LRRC4C: variants seen among roughly 807,000 people sequenced by gnomAD.
LRRC4C encodes the protein leucine-rich repeat-containing protein 4C.
LRRC4C carries 5 observed loss-of-function variants against 33.6 expected under a neutral mutation model. That is an observed-to-expected ratio of 0.15 (90% confidence interval 0.08 to 0.31). The LOEUF is 0.31. LRRC4C is among the 10% of genes least tolerant of loss of function. LRRC4C has a pLI of 1.00. For missense variants in LRRC4C, 560 were observed against 796.7 expected (o/e 0.70, Z 3.58); for synonymous variants, 329 against 302.0 (o/e 1.09, Z -0.93).
chr11:40,199,055 G>A (rs1369010548), intron 5 of LRRC4C, among the ~76,000 whole-genome samples: 3 of 151,954 alleles, frequency 2.0e-5, no homozygotes, highest in Non-Finnish European at 4.4e-5. Context: ...AGGGCAAAGG[G>A]TTATTTTTAT....
chr11:40,385,170 A>G (rs1949054558), intron 3 of LRRC4C, among the ~76,000 whole-genome samples: 1 of 152,158 alleles, frequency 6.6e-6, no homozygotes, highest in Admixed American at 6.5e-5. Flanking sequence ...CATGGGCAAC[A>G]GATGTGTGTT....
At chr11:41,269,438 C>CAG (rs1390880851) in intron 1 of LRRC4C, among the ~76,000 whole-genome samples, 1 of 151,826 alleles carries the variant, frequency 6.6e-6, no homozygotes. Context: ...ACAAAAAGGA[C>CAG]AGAGAGAGAG....
intron 2 of LRRC4C, among the ~76,000 whole-genome samples, chr11:40,649,312 C>T (rs929485709): frequency 5.3e-5 from 8 of 152,106 alleles, no homozygotes; most frequent in Non-Finnish European, 1.0e-4. Flanking sequence ...ATAGACCTCC[C>T]CCCAAGAATG....
intron 5 of LRRC4C, among the ~76,000 whole-genome samples, chr11:40,221,170 A>G (rs529500585): frequency 6.6e-6 from 1 of 152,230 alleles, no homozygotes; most frequent in East Asian, 1.9e-4. Flanking sequence ...AAAATACACA[A>G]TTATTACCCT....
chr11:40,770,826 C>T (rs1226876307), intron 2 of LRRC4C, among the ~76,000 whole-genome samples: 4 of 152,168 alleles, frequency 2.6e-5, no homozygotes, highest in Non-Finnish European at 5.9e-5. Context: ...TGACTCACAT[C>T]CAGGTCACAC....
chr11:40,260,461 G>A (rs1465043317), intron 4 of LRRC4C, among the ~76,000 whole-genome samples: 5 of 148,906 alleles, frequency 3.4e-5, no homozygotes, highest in African/African-American at 5.0e-5. Flanking sequence ...GCTAGATGAC[G>A]AGTTAGTGGG....
intron 3 of LRRC4C, among the ~76,000 whole-genome samples, chr11:40,523,974 CA>C (rs1955933417): frequency 6.6e-6 from 1 of 152,068 alleles, no homozygotes; most frequent in Non-Finnish European, 1.5e-5. Flanking sequence ...TTTTTCTTCG[CA>C]AATAAAACAA....
At chr11:40,319,031 T>C (rs1945714748) in intron 4 of LRRC4C, among the ~76,000 whole-genome samples, 1 of 152,208 alleles carries the variant, frequency 6.6e-6, no homozygotes, top group Admixed American at 6.5e-5. Flanking sequence ...AAAATCCTGA[T>C]GCAACCTCTA....
intron 1 of LRRC4C, among the ~76,000 whole-genome samples, chr11:40,960,676 G>C (rs1344127852): frequency 1.3e-5 from 2 of 151,728 alleles, no homozygotes; most frequent in Non-Finnish European, 3.0e-5. Flanking sequence ...CAGATAATTT[G>C]TATATATTTA....
At chr11:41,246,527 C>T (rs1025560651) in intron 1 of LRRC4C, among the ~76,000 whole-genome samples, 9 of 152,128 alleles carry the variant, frequency 5.9e-5, no homozygotes, top group East Asian at 1.9e-4. Context: ...GTGCTCCCCA[C>T]CCTTCAACTT....
chr11:40,561,401 A>G (rs1304670166), intron 3 of LRRC4C, among the ~76,000 whole-genome samples: 2 of 130,544 alleles, frequency 1.5e-5, no homozygotes, highest in Non-Finnish European at 3.2e-5. Flanking sequence ...CTTTGTTCTG[A>G]GGATTCCTTT....
chr11:41,258,948 G>A (rs947488586), intron 1 of LRRC4C, among the ~76,000 whole-genome samples: 1 of 151,908 alleles, frequency 6.6e-6, no homozygotes, highest in African/African-American at 2.4e-5. Flanking sequence ...ACTTTTTGCT[G>A]GGGGTTGTAA....
intron 1 of LRRC4C, among the ~76,000 whole-genome samples, chr11:41,196,869 G>C (rs994249834): frequency 2.0e-5 from 3 of 152,010 alleles, no homozygotes; most frequent in African/African-American, 7.2e-5. Context: ...AGTAACTCCT[G>C]TTCCCAACTT....
intron 4 of LRRC4C, among the ~76,000 whole-genome samples, chr11:40,245,356 G>A (rs1341567847): frequency 2.6e-5 from 4 of 152,014 alleles, no homozygotes; most frequent in Non-Finnish European, 5.9e-5. Context: ...TATGTTAGAA[G>A]CCTATGACAA....
intron 1 of LRRC4C, among the ~76,000 whole-genome samples, chr11:41,183,161 A>G (rs945360338): frequency 6.6e-6 from 1 of 152,058 alleles, no homozygotes; most frequent in Non-Finnish European, 1.5e-5. Context: ...CAGCCAAACC[A>G]TATCATTCTG....
intron 5 of LRRC4C, among the ~76,000 whole-genome samples, chr11:40,223,448 T>C (rs1418557513): frequency 1.3e-5 from 2 of 152,178 alleles, no homozygotes; most frequent in Non-Finnish European, 2.9e-5. Context: ...GATCCTCACT[T>C]TCATTGCTAA....
intron 3 of LRRC4C, among the ~76,000 whole-genome samples, chr11:40,572,531 C>A (rs1958023749): frequency 6.6e-6 from 1 of 152,148 alleles, no homozygotes; most frequent in Non-Finnish European, 1.5e-5. Context: ...CAGCTGAATA[C>A]ATCTTTGGAG....
chr11:40,598,289 CCAAA>C (rs915852842), intron 3 of LRRC4C, among the ~76,000 whole-genome samples: 6 of 152,222 alleles, frequency 3.9e-5, no homozygotes, highest in East Asian at 1.9e-4. Flanking sequence ...TTTAAACCAA[CCAAA>C]CAAACAAAGA....
At chr11:41,195,355 CATTA>C (rs1377160123) in intron 1 of LRRC4C, among the ~76,000 whole-genome samples, 1 of 151,954 alleles carries the variant, frequency 6.6e-6, no homozygotes, top group Admixed American at 6.6e-5. Context: ...AAAAAGGCAT[CATTA>C]ATTAGTCTGC....
Sources: allele counts gnomAD v4.1 joint callset (sites outside exome capture counted in the v4.1 genomes callset), GRCh38; gene constraint gnomAD v4.1.1; transcripts MANE v1.5; gene names NCBI Gene and HGNC (gene_info 2026-07-23, HGNC 2026-07-21).